Variants in RBFOX1 observed in about 807,000 individuals in gnomAD.
The protein encoded by RBFOX1 is RNA binding fox-1 homolog 1.
A neutral mutation model predicts 57.7 loss-of-function variants in RBFOX1; 8 were observed. The observed-to-expected ratio is 0.14, with a 90% CI of 0.08 to 0.25. The LOEUF is 0.25. Among genes scored for constraint, RBFOX1 ranks in the 10% least tolerant of loss-of-function variants. The pLI is 1.00. For missense variants in RBFOX1, 611 were observed against 548.5 expected, an observed-to-expected ratio of 1.11 and a Z score of -1.14; for synonymous variants, 326 against 222.4, an observed-to-expected ratio of 1.47 and a Z score of -4.15.
chr16:5,521,939 A>C lies in RBFOX1; in HGVS notation c.258+54685A>C, dbSNP rs112816467. 2.2e-3 allele frequency among the ~76,000 whole-genome samples: 328 copies of C among 152,316 alleles called. 3 individuals carry two copies. The highest frequency in any genetic ancestry group is 7.7e-3 in the African/African-American group (319 of 41,576). On this transcript the variant is annotated intron_variant, in intron 2 of 2. Transcript: ENST00000585867. ...GAGATGGGGATGCCCTGGAGGAGTC[A>C]GATTACAGAGGAGGCTGAGGAGGGA...
rs187709228 is a variant in RBFOX1, at chr16:6,796,788, A to G, written c.-16+142138A>G. On this transcript the variant is annotated intron_variant, in intron 3 of 15. Coordinates refer to ENST00000550418, the MANE Select transcript of RBFOX1 (RefSeq NM_018723.4). Reference sequence around the variant, plus strand: ...CTACATCTGCCTTCCAACTTCTTCTATGTCCCTCAGTCATAAATATCTACA... The same window carrying G: ...CTACATCTGCCTTCCAACTTCTTCTGTGTCCCTCAGTCATAAATATCTACA... Among the ~76,000 whole-genome samples the G allele has an allele frequency of 1.8e-3, 276 of 152,262 alleles. 1 individual carries two copies. Among genetic ancestry groups the G allele is most frequent in the African/African-American group, 5.3e-3 (222 of 41,540 alleles).
intron 4 of RBFOX1, among the ~76,000 whole-genome samples, chr16:7,249,412 G>A (rs2094430225): frequency 6.6e-6 from 1 of 152,196 alleles, no homozygotes; most frequent in Non-Finnish European, 1.5e-5. Context: ...AGACTTCCAA[G>A]GGCCATAGAA....
intron 3 of RBFOX1, among the ~76,000 whole-genome samples, chr16:5,789,973 A>C (rs2054633859): frequency 6.6e-6 from 1 of 152,176 alleles, no homozygotes; most frequent in Non-Finnish European, 1.5e-5. Context: ...TCTACACCTC[A>C]CGGGCTTCAT....
chr16:6,358,179 G>T (rs1487562262), intron 2 of RBFOX1, among the ~76,000 whole-genome samples: 2 of 152,090 alleles, frequency 1.3e-5, no homozygotes, highest in Non-Finnish European at 2.9e-5. Context: ...CTAATGTGCA[G>T]ATCCATGAAA....
chr16:6,308,853 T>G (rs1213972443), intron 1 of RBFOX1, among the ~76,000 whole-genome samples: 1 of 152,142 alleles, frequency 6.6e-6, no homozygotes. Flanking sequence ...ATTTCCCAAC[T>G]ATCACTCCTA....
At chr16:7,676,022 G>A (rs976885686) in intron 13 of RBFOX1, among the ~76,000 whole-genome samples, 3 of 152,134 alleles carry the variant, frequency 2.0e-5, no homozygotes, top group African/African-American at 7.2e-5. Flanking sequence ...TTGAACAATT[G>A]CAATTACTGG....
At chr16:7,706,280 T>A (rs547346846) in intron 14 of RBFOX1, among the ~76,000 whole-genome samples, 2 of 152,186 alleles carry the variant, frequency 1.3e-5, no homozygotes, top group Non-Finnish European at 2.9e-5. Context: ...TTAATCATAA[T>A]AAAACCATTG....
At position 6,249,418 on chromosome 16, in the gene RBFOX1, G is replaced by A. The variant is rs928678192; in HGVS notation, c.-126-67577G>A. Reference sequence around the variant, plus strand: ...TGGGTGCCTGTAATCCCAGCTACTCGGGAGACTGAGGCAGAGAATAGCTTG... The same window carrying A: ...TGGGTGCCTGTAATCCCAGCTACTCAGGAGACTGAGGCAGAGAATAGCTTG... On this transcript the variant is annotated intron_variant, in intron 1 of 15. Transcript: ENST00000550418. Among the ~76,000 whole-genome samples, 8 of 152,166 alleles carry A rather than the reference G, an allele frequency of 5.3e-5. No individual in the cohort carries two copies. The South Asian group carries it at 8.3e-4, about 16-fold the overall frequency.
intron 4 of RBFOX1, among the ~76,000 whole-genome samples, chr16:7,227,408 T>C (rs2093207005): frequency 1.3e-5 from 2 of 151,362 alleles, no homozygotes; most frequent in African/African-American, 4.8e-5. Flanking sequence ...AACTCCACAA[T>C]GCAGGAATTT....
intron 4 of RBFOX1, among the ~76,000 whole-genome samples, chr16:7,470,100 A>G (rs1184987631): frequency 6.6e-6 from 1 of 151,298 alleles, no homozygotes; most frequent in Non-Finnish European, 1.5e-5. Flanking sequence ...ATGTCAATGG[A>G]CATTTAGGTT....
At chr16:7,083,173 C>G (rs954853825) in intron 4 of RBFOX1, among the ~76,000 whole-genome samples, 1 of 152,110 alleles carries the variant, frequency 6.6e-6, no homozygotes, top group African/African-American at 2.4e-5. Context: ...AATTTGCTGA[C>G]ACCCCCCGAG....
chr16:5,488,652 T>TGAG (rs1597269900), intron 2 of RBFOX1, among the ~76,000 whole-genome samples: 1 of 139,686 alleles, frequency 7.2e-6, no homozygotes, highest in East Asian at 2.3e-4. Flanking sequence ...ATGGTGATGA[T>TGAG]GATTATGGGA....
chr16:5,252,617 C>T (rs999827195), intron 1 of RBFOX1, among the ~76,000 whole-genome samples: 3 of 152,172 alleles, frequency 2.0e-5, no homozygotes, highest in African/African-American at 7.2e-5. Flanking sequence ...GCCTGGGCAG[C>T]ACTGTCCAGC....
Position 5,982,425 on chromosome 16 carries a change from C to A in RBFOX1, c.351+115090C>A, listed in dbSNP as rs185048203. ...AAGTAGCTGGGATTACAGGCACCCA[C>A]CACCACACCCAGCTAATTTTTGTAT... is the stretch of plus-strand genomic sequence containing the variant. On this transcript the variant is annotated intron_variant, in intron 4 of 19. Transcript: ENST00000641259. Among the ~76,000 whole-genome samples, 459 of 152,222 alleles carry A rather than the reference C, an allele frequency of 3.0e-3. 2 individuals carry two copies. The highest frequency in any genetic ancestry group is 9.9e-3 in the African/African-American group (409 of 41,518).
chr16:6,424,027 C>T (rs930793197), intron 2 of RBFOX1, among the ~76,000 whole-genome samples: 2 of 152,134 alleles, frequency 1.3e-5, no homozygotes, highest in African/African-American at 2.4e-5. Context: ...ATCACTAGGT[C>T]AGGAGTTCGA....
At chr16:5,594,788 G>A (rs1443796315) in intron 2 of RBFOX1, among the ~76,000 whole-genome samples, 1 of 151,876 alleles carries the variant, frequency 6.6e-6, no homozygotes, top group Non-Finnish European at 1.5e-5. Context: ...TGATTCAGGG[G>A]CCTCCAAGAT....
intron 3 of RBFOX1, among the ~76,000 whole-genome samples, chr16:5,811,769 C>T (rs2055441044): frequency 6.6e-6 from 1 of 152,106 alleles, no homozygotes; most frequent in Admixed American, 6.6e-5. Flanking sequence ...ATTTTTAAGG[C>T]ATTATTGAGA....
chr16:7,629,618 C>G (rs968702844), intron 10 of RBFOX1, among the ~76,000 whole-genome samples: 2 of 152,178 alleles, frequency 1.3e-5, no homozygotes, highest in African/African-American at 4.8e-5. Flanking sequence ...TTGAGCTTTG[C>G]AGCAGTGGGA....
intron 3 of RBFOX1, among the ~76,000 whole-genome samples, chr16:6,673,687 G>A (rs1291120357): frequency 6.6e-6 from 1 of 152,186 alleles, no homozygotes; most frequent in African/African-American, 2.4e-5. Flanking sequence ...CTTCATGATG[G>A]GTTCTGTGAC....
Sources: gnomAD v4.1 joint callset for allele counts (sites outside exome capture counted in the v4.1 genomes callset) on GRCh38, gnomAD v4.1.1 for gene constraint, MANE v1.5 for transcripts, NCBI Gene and HGNC (gene_info 2026-07-23, HGNC 2026-07-21) for gene names.